SGMS1: variants seen among roughly 807,000 people sequenced by gnomAD.
SGMS1 encodes the protein sphingomyelin synthase 1.
Under a neutral mutation model 46.2 loss-of-function variants are expected in SGMS1, and 13 were observed. The ratio of observed to expected loss-of-function variants is 0.28; its 90% CI spans 0.18 to 0.45. The LOEUF (loss-of-function observed/expected upper bound fraction) is 0.45, where lower values mean the gene tolerates loss of function less well. Ranked by LOEUF, SGMS1 falls within the 20% of genes least tolerant of loss-of-function variation. SGMS1 has a pLI of 1.00. For synonymous variants in SGMS1, 203 were observed against 187.8 expected, an observed-to-expected ratio of 1.08 and a Z score of -0.66; for missense variants, 324 against 519.9, an observed-to-expected ratio of 0.62 and a Z score of 3.66.
At chr10:50,572,596 A>G (rs1838346012) in intron 2 of SGMS1, among the ~76,000 whole-genome samples, 1 of 152,124 alleles carries the variant, frequency 6.6e-6, no homozygotes, top group Non-Finnish European at 1.5e-5. Flanking sequence ...TGTTTTGTAC[A>G]CTGAGTTTTT....
chr10:50,623,447 G>A, intron 1 of SGMS1: 1 of 365,356 alleles, frequency 2.7e-6, no homozygotes, highest in Non-Finnish European at 3.8e-6. Flanking sequence ...ACTTAGCCGG[G>A]GAGCCCCGCC....
intron 5 of SGMS1, among the ~76,000 whole-genome samples, 187 bp downstream of exon 5, chr10:50,460,486 G>A (rs74132723): frequency 0.13 from 19,949 of 152,220 alleles, 1,409 homozygotes; most frequent in Middle Eastern, 0.21. Flanking sequence ...AAAGAGTGAC[G>A]AGTGATATCC....
At chr10:50,487,213 C>T (rs1837528589) in intron 3 of SGMS1, among the ~76,000 whole-genome samples, 1 of 152,158 alleles carries the variant, frequency 6.6e-6, no homozygotes, top group African/African-American at 2.4e-5. Flanking sequence ...AGCCATTATC[C>T]TCAGCAAACT....
intron 3 of SGMS1, among the ~76,000 whole-genome samples, chr10:50,487,457 T>C (rs1179985066): frequency 6.6e-6 from 1 of 152,236 alleles, no homozygotes; most frequent in Non-Finnish European, 1.5e-5. Context: ...GTAACAAACA[T>C]GCACATCCTG....
chr10:50,426,491 C>G (rs1476115345), intron 6 of SGMS1, among the ~76,000 whole-genome samples: 4 of 152,192 alleles, frequency 2.6e-5, no homozygotes, highest in Non-Finnish European at 5.9e-5. Flanking sequence ...TCCTATGAAG[C>G]AGACCTTACT....
At chr10:50,402,032 A>T (rs1246622767) in intron 6 of SGMS1, among the ~76,000 whole-genome samples, 1 of 152,208 alleles carries the variant, frequency 6.6e-6, no homozygotes, top group Non-Finnish European at 1.5e-5. Context: ...CATTTTAAAC[A>T]TCTTCATTTT....
chr10:50,432,935 C>T (rs931557639), intron 6 of SGMS1, among the ~76,000 whole-genome samples: 3 of 152,180 alleles, frequency 2.0e-5, no homozygotes, highest in African/African-American at 7.2e-5. Flanking sequence ...AAACCAAAAT[C>T]AACCATATGT....
chr10:50,338,200 G>A (rs77631756), intron 7 of SGMS1, among the ~76,000 whole-genome samples: 1,755 of 152,156 alleles, frequency 0.012, 41 homozygotes, highest in African/African-American at 0.04. Flanking sequence ...ACAAATCAAT[G>A]CAACTGCTTA....
At chr10:50,398,430 T>C (rs927389601) in intron 6 of SGMS1, among the ~76,000 whole-genome samples, 4 of 152,160 alleles carry the variant, frequency 2.6e-5, no homozygotes, top group African/African-American at 9.7e-5. Context: ...TAAAATAATA[T>C]TTTAAAAATT....
chr10:50,329,703 T>C (rs180924557), intron 7 of SGMS1, among the ~76,000 whole-genome samples: 1 of 152,338 alleles, frequency 6.6e-6, no homozygotes, highest in African/African-American at 2.4e-5. Flanking sequence ...TAATGAGATA[T>C]TGCTAGAAAT....
At chr10:50,543,657 G>A (rs953423221) in intron 2 of SGMS1, among the ~76,000 whole-genome samples, 2 of 152,228 alleles carry the variant, frequency 1.3e-5, no homozygotes, top group African/African-American at 4.8e-5. Flanking sequence ...TGCTTCTGCA[G>A]GAAGTAGACA....
At chr10:50,471,905 G>T (rs981147103) in intron 3 of SGMS1, among the ~76,000 whole-genome samples, 1 of 152,052 alleles carries the variant, frequency 6.6e-6, no homozygotes, top group African/African-American at 2.4e-5. Context: ...TAGCTTCTTC[G>T]CGGGCAAGAG....
At chr10:50,456,115 T>G (rs1320713321) in intron 5 of SGMS1, among the ~76,000 whole-genome samples, 2 of 152,198 alleles carry the variant, frequency 1.3e-5, no homozygotes, top group African/African-American at 4.8e-5. Flanking sequence ...GTGTCCATTT[T>G]CCATCTCTTT....
chr10:50,592,417 C>A (rs11006237), intron 1 of SGMS1, among the ~76,000 whole-genome samples: 22,507 of 152,144 alleles, frequency 0.15, 1,870 homozygotes, highest in Non-Finnish European at 0.19. Flanking sequence ...GGGTGAGTAG[C>A]AAGGGGTGGA....
At position 50,306,973 on chromosome 10, in the gene SGMS1, C is replaced by A. The variant is rs897381826; in HGVS notation, c.*169G>T. On this transcript the variant is annotated 3_prime_UTR_variant, in exon 11 of 11. Coordinates refer to ENST00000361781, the MANE Select transcript of SGMS1 (RefSeq NM_147156.4). The stretch of plus-strand genomic sequence containing the variant: ...TTCTTTATTGTTGTCCAACGCAGGT[C>A]CTTTGGAGAGAAAAAAAGATCACAG... 14 of 640,232 alleles carry A rather than the reference C, an allele frequency of 2.2e-5. No individual in the cohort carries two copies. Among genetic ancestry groups the A allele is most frequent in the Non-Finnish European group, 3.1e-5 (12 of 384,674 alleles). 39.7% of individuals were successfully genotyped at this position (640,232 alleles called of 1,614,324 possible). A position where few individuals can be genotyped will look rare whatever the true frequency, so the allele number is the denominator to read the frequency against.
intron 6 of SGMS1, among the ~76,000 whole-genome samples, chr10:50,352,886 A>T (rs888481991): frequency 6.6e-6 from 1 of 152,232 alleles, no homozygotes; most frequent in Non-Finnish European, 1.5e-5. Flanking sequence ...AGACTAAACC[A>T]GGAAGAAGTT....
chr10:50,396,980 G>A (rs1810742103), intron 6 of SGMS1, among the ~76,000 whole-genome samples: 1 of 151,988 alleles, frequency 6.6e-6, no homozygotes. Context: ...TCAAGTACGG[G>A]ACACTCAAAA....
chr10:50,320,259 C>T (rs149054796), intron 8 of SGMS1, among the ~76,000 whole-genome samples: 159 of 152,308 alleles, frequency 1.0e-3, no homozygotes, highest in African/African-American at 3.4e-3. Flanking sequence ...GTCTCCCTCA[C>T]GTGAGTACCA....
chr10:50,311,875 G>C (rs1378034709), intron 8 of SGMS1, among the ~76,000 whole-genome samples: 3 of 152,170 alleles, frequency 2.0e-5, no homozygotes, highest in Non-Finnish European at 2.9e-5. Context: ...GAAGGTTTGG[G>C]TAGTCAAATA....
Sources: gnomAD v4.1 joint callset for allele counts (sites outside exome capture counted in the v4.1 genomes callset) on GRCh38, gnomAD v4.1.1 for gene constraint, MANE v1.5 for transcripts, NCBI Gene and HGNC (gene_info 2026-07-23, HGNC 2026-07-21) for gene names.